The following DLGAP2 variants were observed in gnomAD, a reference collection of about 807,000 sequenced individuals.
The protein encoded by DLGAP2 is DLG associated protein 2, also known as disks large-associated protein 2.
In DLGAP2, 26 loss-of-function variants were observed where a neutral mutation model predicts 100.3. That is an observed-to-expected ratio of 0.26 (90% CI 0.19 to 0.36). The LOEUF is 0.36. Among genes scored for constraint, DLGAP2 ranks in the 10% least tolerant of loss-of-function variants. The pLI, the probability that DLGAP2 is intolerant of heterozygous loss-of-function variation, is 1.00. For synonymous variants in DLGAP2, 886 were observed against 630.1 expected, an observed-to-expected ratio of 1.41 and a Z score of -6.08; for missense variants, 1,858 against 1,453.2, an observed-to-expected ratio of 1.28 and a Z score of -4.53.
At chr8:1,287,131 C>CGCGT (rs1799938649) in intron 3 of DLGAP2, among the ~76,000 whole-genome samples, 2 of 136,908 alleles carry the variant, frequency 1.5e-5, no homozygotes, top group Admixed American at 1.4e-4. Flanking sequence ...TTCGGTTCAG[C>CGCGT]GTGTGTGTGT....
chr8:893,930 G>A (rs1798087935), intron 1 of DLGAP2, among the ~76,000 whole-genome samples: 1 of 152,256 alleles, frequency 6.6e-6, no homozygotes, highest in Non-Finnish European at 1.5e-5. Context: ...AGCATTGGGA[G>A]GTTCGGCGTC....
intron 2 of DLGAP2, among the ~76,000 whole-genome samples, chr8:1,234,219 T>C (rs557380022): frequency 6.6e-6 from 1 of 152,364 alleles, no homozygotes; most frequent in East Asian, 1.9e-4. Flanking sequence ...CTGGGACTTC[T>C]GTAACCAGTG....
intron 4 of DLGAP2, among the ~76,000 whole-genome samples, chr8:1,534,284 C>T (rs1249135607): frequency 6.6e-6 from 1 of 152,176 alleles, no homozygotes; most frequent in East Asian, 1.9e-4. Context: ...TTTTCTAGCA[C>T]AGAAAGTAAG....
chr8:1,241,370 C>A lies in DLGAP2; in HGVS notation c.74-17481C>A, dbSNP rs187172255. ...CATGGCGCCGTGTCTAGTTCTCTCA[C>A]ATGGCGCCGTGTCTAGTTCTCTGTC... On this transcript the variant is annotated intron_variant, in intron 2 of 14. Transcript: ENST00000637795. Among the ~76,000 whole-genome samples, 477 of 152,324 alleles carry A rather than the reference C, an allele frequency of 3.1e-3. 3 individuals are homozygous for A. The highest frequency in any genetic ancestry group is 0.01 in the African/African-American group (425 of 41,550).
At chr8:1,159,902 C>G (rs1249829713) in intron 2 of DLGAP2, among the ~76,000 whole-genome samples, 1 of 152,204 alleles carries the variant, frequency 6.6e-6, no homozygotes. Context: ...GGACACCAGG[C>G]TGTAGAATGC....
At chr8:1,412,816 C>T (rs1204326465) in intron 3 of DLGAP2, among the ~76,000 whole-genome samples, 2 of 152,226 alleles carry the variant, frequency 1.3e-5, no homozygotes, top group African/African-American at 4.8e-5. Context: ...CCCTCCCCAG[C>T]AGATGGCCTG....
At chr8:1,026,302 T>C (rs1290018393) in intron 2 of DLGAP2, among the ~76,000 whole-genome samples, 2 of 152,168 alleles carry the variant, frequency 1.3e-5, no homozygotes, top group Admixed American at 6.5e-5. Context: ...CCCAACGCTT[T>C]GCTCTTCACG....
chr8:1,473,739 G>A (rs1429276610), intron 3 of DLGAP2, among the ~76,000 whole-genome samples: 1 of 152,130 alleles, frequency 6.6e-6, no homozygotes, highest in African/African-American at 2.4e-5. Context: ...GAATCATGGG[G>A]TGGGTCCCTC....
At chr8:1,376,242 G>A (rs1585314138) in intron 3 of DLGAP2, among the ~76,000 whole-genome samples, 1 of 152,346 alleles carries the variant, frequency 6.6e-6, no homozygotes, top group South Asian at 2.1e-4. Flanking sequence ...TGGGTGAAGG[G>A]CCCGGGACGT....
intron 2 of DLGAP2, among the ~76,000 whole-genome samples, chr8:1,220,846 A>T (rs1023391528): frequency 6.7e-6 from 1 of 150,278 alleles, no homozygotes; most frequent in Non-Finnish European, 1.5e-5. Flanking sequence ...ACCTTTTATC[A>T]TTATGTAATG....
intron 6 of DLGAP2, among the ~76,000 whole-genome samples, chr8:1,595,166 G>A (rs1016450686): frequency 2.6e-5 from 4 of 151,964 alleles, no homozygotes; most frequent in East Asian, 1.9e-4. Context: ...TCAACCTCCC[G>A]AGTGGCTGGT....
At chr8:1,576,674 G>C (rs1266620700) in intron 6 of DLGAP2, among the ~76,000 whole-genome samples, 1 of 152,108 alleles carries the variant, frequency 6.6e-6, no homozygotes, top group Admixed American at 6.6e-5. Context: ...TCCAGTTTCA[G>C]CTACGTATGG....
intron 2 of DLGAP2, among the ~76,000 whole-genome samples, chr8:1,132,924 T>G (rs151082338): frequency 6.6e-6 from 1 of 152,182 alleles, no homozygotes; most frequent in Non-Finnish European, 1.5e-5. Flanking sequence ...CAGAAAAATG[T>G]TAACTCGCTA....
chr8:1,359,692 C>A (rs560919460), intron 3 of DLGAP2, among the ~76,000 whole-genome samples: 1 of 152,240 alleles, frequency 6.6e-6, no homozygotes, highest in Non-Finnish European at 1.5e-5. Flanking sequence ...CCACGGTAGA[C>A]GCTGGCCTCA....
intron 2 of DLGAP2, among the ~76,000 whole-genome samples, chr8:1,138,439 T>A (rs1328476759): frequency 1.3e-5 from 2 of 152,342 alleles, no homozygotes; most frequent in East Asian, 3.9e-4. Flanking sequence ...TGCTTTCTGA[T>A]CTGCCTCACT....
intron 8 of DLGAP2, among the ~76,000 whole-genome samples, chr8:1,663,608 G>A (rs191615801): frequency 7.0e-4 from 106 of 152,252 alleles, no homozygotes; most frequent in Non-Finnish European, 1.0e-4. Flanking sequence ...GGAAAGGACC[G>A]AGAAGCCCCC....
intron 2 of DLGAP2, among the ~76,000 whole-genome samples, chr8:1,026,464 G>GCCTGCTCCGA (rs1287291945): frequency 1.3e-5 from 2 of 152,170 alleles, no homozygotes; most frequent in African/African-American, 4.8e-5. Flanking sequence ...GGCTGCACGT[G>GCCTGCTCCGA]CCTGCTCCGA....
At chr8:924,035 C>G (rs1318439235) in intron 2 of DLGAP2, among the ~76,000 whole-genome samples, 4 of 152,190 alleles carry the variant, frequency 2.6e-5, no homozygotes, top group Non-Finnish European at 5.9e-5. Context: ...ATGAATGTCA[C>G]ATGACAGCAT....
chr8:1,282,864 C>T (rs1799844145), intron 3 of DLGAP2, among the ~76,000 whole-genome samples: 1 of 102,750 alleles, frequency 9.7e-6, no homozygotes, highest in African/African-American at 4.1e-5. Flanking sequence ...CGTGGTGTGA[C>T]CTGAACCCAG....
Sources: allele counts gnomAD v4.1 joint callset (sites outside exome capture counted in the v4.1 genomes callset), GRCh38; gene constraint gnomAD v4.1.1; transcripts MANE v1.5; gene names NCBI Gene and HGNC (gene_info 2026-07-23, HGNC 2026-07-21).